The following LTBP4 variants were observed in gnomAD, a reference collection of about 807,000 sequenced individuals.
LTBP4 encodes latent transforming growth factor beta binding protein 4.
A neutral mutation model predicts 180.2 loss-of-function variants in LTBP4; 93 were observed. The observed-to-expected ratio is 0.52, with a 90% CI of 0.44 to 0.61. The LOEUF is 0.61. Ranked by LOEUF, LTBP4 falls within the 20% of genes least tolerant of loss-of-function variation. LTBP4 has a pLI of 0.00. For synonymous variants in LTBP4, 947 were observed against 934.5 expected (o/e 1.01, Z -0.24); for missense variants, 2,116 against 2,256.5 (o/e 0.94, Z 1.26).
At position 40,593,595 on chromosome 19, in the gene LTBP4, T is replaced by A. The variant is rs112009052; in HGVS notation, c.16+414T>A. ...CCAGGATATTCAGAATATTGGGGGA[T>A]ATTGGCATGTTAGGAAATCTAGTAT... is the stretch of plus-strand genomic sequence containing the variant. On this transcript the variant is annotated intron_variant, in intron 1 of 32. Coordinates refer to the LTBP4 transcript ENST00000204005. Among the ~76,000 whole-genome samples the A allele has an allele frequency of 9.4e-3, 1,414 of 151,006 alleles. 13 individuals carry two copies. Among genetic ancestry groups the A allele is most frequent in the Non-Finnish European group, 0.014 (938 of 67,808 alleles).
chr19:40,599,598 A>T (rs1321695408), upstream of LTBP4: 1 of 1,572,942 alleles, frequency 6.4e-7, no homozygotes, highest in Non-Finnish European at 8.6e-7. Context: ...TCCCTCAGGA[A>T]CTCCTAGCTT....
At chr19:40,598,318 C>T (rs1332318364), upstream of LTBP4, among the ~76,000 whole-genome samples, 2 of 152,064 alleles carry the variant, frequency 1.3e-5, no homozygotes, top group Non-Finnish European at 2.9e-5. Flanking sequence ...CCTCATCCTC[C>T]ACTCGGCCCC....
chr19:40,599,758 T>C (rs891271910), upstream of LTBP4: 46 of 591,778 alleles, frequency 7.8e-5, no homozygotes, highest in Non-Finnish European at 6.8e-5. Flanking sequence ...GCATTATTTC[T>C]GTCTCTTTCT....
At chr19:40,595,056 G>A (rs779139602) in intron 1 of LTBP4, among the ~76,000 whole-genome samples, 1 of 152,112 alleles carries the variant, frequency 6.6e-6, no homozygotes, top group Admixed American at 6.5e-5. Context: ...CGGGGCTAAC[G>A]CTACAGAACT....
At position 40,607,415 on chromosome 19, in the gene LTBP4, G is replaced by C. The variant is rs1295939936; in HGVS notation, c.1042G>C (p.Asp348His). ...AGGGCCCTGCTTCCGCGTGCTCCGC[G>C]ACGGCGGCTGTTCGCTGCCCATTCT... is the stretch of plus-strand genomic sequence containing the variant. ...AKGPCFRVLR[D>H]GGCSLPILRN... The change falls in exon 7 of 30, where the codon GAC (aspartate) becomes CAC (histidine). Residue 348 changes from aspartate to histidine, a missense_variant. Asp to His is a moderately conservative substitution (Grantham distance 81). Around this residue, in one of 5 missense-constraint regions of LTBP4, gnomAD observed 469 missense variants for 532.5 expected, o/e 0.88. Coordinates refer to ENST00000396819, the MANE Select transcript of LTBP4 (RefSeq NM_001042545.2). The C allele has an allele frequency of 2.5e-6, 4 of 1,613,108 alleles. No individual in the cohort carries two copies. Among genetic ancestry groups the C allele is most frequent in the Non-Finnish European group, 2.5e-6 (3 of 1,179,632 alleles).
intron 6 of LTBP4, 68 bp from the exon 7 acceptor site, chr19:40,607,279 CAGAACCATTCCCCTCTCT>C: frequency 1.8e-6 from 2 of 1,126,362 alleles, no homozygotes; most frequent in South Asian, 1.4e-5. Flanking sequence ...CCCCCAACCC[CAGAACCATTCCCCTCTCT>C]CCCAAATCCC....
At chr19:40,596,553 G>C (rs999996393), upstream of LTBP4, among the ~76,000 whole-genome samples, 8 of 152,144 alleles carry the variant, frequency 5.3e-5, no homozygotes, top group Admixed American at 4.6e-4. Context: ...GCCTGGCTGG[G>C]TTCACTGAGG....
At chr19:40,597,009 C>T (rs916393450), upstream of LTBP4, among the ~76,000 whole-genome samples, 2 of 152,138 alleles carry the variant, frequency 1.3e-5, no homozygotes, top group Non-Finnish European at 2.9e-5. Context: ...CGAGGTCCCC[C>T]GCGCCCCTAG....
At chr19:40,598,364 C>T (rs1207724908), upstream of LTBP4, among the ~76,000 whole-genome samples, 1 of 137,092 alleles carries the variant, frequency 7.3e-6, no homozygotes, top group Non-Finnish European at 1.6e-5. Context: ...TGGACACCCC[C>T]CTCTCTGCAC....
At chr19:40,617,312 G>C in intron 21 of LTBP4, 87 bp downstream of exon 21, 1 of 1,472,902 alleles carries the variant, frequency 6.8e-7, no homozygotes, top group East Asian at 2.4e-5. Context: ...TGAACAAATG[G>C]GAATTTTCGG....
At chr19:40,601,750 G>T in intron 1 of LTBP4, 113 bp downstream of exon 1, 1 of 851,936 alleles carries the variant, frequency 1.2e-6, no homozygotes, top group East Asian at 3.4e-5. Flanking sequence ...ATGCAATAGT[G>T]CAAGGGAATA....
chr19:40,610,001 T>C, intron 11 of LTBP4, 130 bp downstream of exon 11: 1 of 1,300,848 alleles, frequency 7.7e-7, no homozygotes, highest in South Asian at 1.6e-5. Flanking sequence ...GCCCTGGCCC[T>C]TGGCCCTGCC....
chr19:40,610,701 G>T, intron 12 of LTBP4, 44 bp downstream of exon 12: 1 of 1,549,350 alleles, frequency 6.5e-7, no homozygotes. Flanking sequence ...GTGAGCGGTT[G>T]GGTAGAGCGC....
intron 27 of LTBP4, 42 bp from the exon 28 acceptor site, chr19:40,626,933 G>T (rs765459993): frequency 1.3e-6 from 2 of 1,513,284 alleles, no homozygotes; most frequent in Admixed American, 2.1e-5. Flanking sequence ...TGGGTGTGGG[G>T]GCCAGCAGGG....
rs1388463984 is a variant in LTBP4, at chr19:40,613,383, C to G, written c.2432-21C>G. The G allele has an allele frequency of 2.5e-6, 4 of 1,601,326 alleles. No homozygotes were observed. The highest frequency in any genetic ancestry group is 3.4e-6 in the Non-Finnish European group (4 of 1,175,094). On this transcript the variant is annotated intron_variant, in intron 16 of 29. Coordinates refer to ENST00000396819, the MANE Select transcript of LTBP4 (RefSeq NM_001042545.2). The surrounding 1 kb of genome is among the most constrained non-coding windows in gnomAD (Gnocchi z 5.0). ...GGGAGGCCGGGTCCCGTGACTCCGC[C>G]CAATCTCCCGCGTACCCTAGACGTG...
upstream of LTBP4, chr19:40,599,703 T>A (rs1370606587): frequency 2.8e-6 from 2 of 717,650 alleles, no homozygotes; most frequent in Admixed American, 2.6e-5. Flanking sequence ...TCTGTCCGTT[T>A]CTATTTCATC....
upstream of LTBP4, chr19:40,599,062 GAGA>G: frequency 2.5e-6 from 2 of 806,100 alleles, no homozygotes; most frequent in Non-Finnish European, 4.3e-6. Flanking sequence ...GAGGCGTGGG[GAGA>G]AGAACCTCGT....
upstream of LTBP4, chr19:40,601,309 C>T (rs1237878181): frequency 1.0e-6 from 1 of 968,570 alleles, no homozygotes; most frequent in African/African-American, 1.8e-5. Context: ...GCGACCTCCC[C>T]CGCGGGCGGG....
chr19:40,615,075 T>G (rs2081537399), intron 19 of LTBP4, among the ~76,000 whole-genome samples: 1 of 151,990 alleles, frequency 6.6e-6, no homozygotes, highest in Non-Finnish European at 1.5e-5. Context: ...GCCCCTTGCC[T>G]TTTCTTACTT....
Sources: allele counts gnomAD v4.1 joint callset (sites outside exome capture counted in the v4.1 genomes callset), GRCh38; gene constraint gnomAD v4.1.1; regional missense constraint gnomAD v4.1.1; non-coding constraint Gnocchi (gnomAD v3.1); transcripts MANE v1.5; gene names NCBI Gene and HGNC (gene_info 2026-07-23, HGNC 2026-07-21).